PREX1: variants seen among roughly 807,000 people sequenced by gnomAD.
PREX1 encodes the protein phosphatidylinositol-3,4,5-trisphosphate dependent Rac exchange factor 1.
A neutral mutation model predicts 198.3 loss-of-function variants in PREX1; 41 were observed. The observed-to-expected ratio is 0.21, with a 90% confidence interval of 0.16 to 0.27. The LOEUF (loss-of-function observed/expected upper bound fraction) is 0.27. Among genes scored for constraint, PREX1 ranks in the 10% least tolerant of loss-of-function variants. The pLI is 1.00. For missense variants in PREX1, 1,620 were observed against 2,200.7 expected (o/e 0.74, Z 5.28); for synonymous variants, 843 against 887.2 (o/e 0.95, Z 0.89).
intron 33 of PREX1, among the ~76,000 whole-genome samples, chr20:48,633,661 C>T (rs1000805233): frequency 2.6e-5 from 4 of 152,252 alleles, no homozygotes; most frequent in Middle Eastern, 3.4e-3. Context: ...TGCTGCTGGT[C>T]CAGGGGCCAC....
rs935753835 is a variant in PREX1 at position 48,698,450 on chromosome 20, G to C, written c.917+2303C>G. On this transcript the variant is annotated intron_variant, in intron 7 of 39. Coordinates refer to ENST00000371941, the MANE Select transcript of PREX1 (RefSeq NM_020820.4). ...AGAGCGGCGGGGCAGGGCTCAGGGT[G>C]GACATTGGCAGCAGCCCTGAAACTA... is the stretch of plus-strand genomic sequence containing the variant. Among the ~76,000 whole-genome samples, 5 of 152,220 alleles carry C rather than the reference G, an allele frequency of 3.3e-5. No homozygotes were observed. The East Asian group carries it at 9.7e-4, about 29-fold the overall frequency.
chr20:48,698,018 C>G (rs1037342511), intron 7 of PREX1, among the ~76,000 whole-genome samples: 2 of 152,160 alleles, frequency 1.3e-5, no homozygotes, highest in African/African-American at 4.8e-5. Context: ...TGGGGAGATC[C>G]ACCCACCATT....
intron 1 of PREX1, among the ~76,000 whole-genome samples, chr20:48,763,629 C>A (rs746768137): frequency 1.3e-5 from 2 of 152,164 alleles, no homozygotes; most frequent in African/African-American, 4.8e-5. Flanking sequence ...AGCAGTCCCC[C>A]CTTAGCTGGT....
At position 48,761,525 on chromosome 20, in the gene PREX1, C is replaced by A. The variant is rs542198078; in HGVS notation, c.220-13645G>T. Among the ~76,000 whole-genome samples, 13 of 152,024 alleles carry A rather than the reference C, an allele frequency of 8.6e-5. 1 individual carries two copies. The South Asian group carries it at 1.2e-3, about 15-fold the overall frequency. On this transcript the variant is annotated intron_variant, in intron 1 of 39. Transcript: ENST00000371941. ...TAAAAGGTGCCCAGTTCTCACCCCA[C>A]CCCGCCCCGTTCCCCACCACATCGG...
In PREX1 at chr20:48,653,833, C is replaced by G. The variant is rs139786641; in HGVS notation, c.2210-336G>C. Among the ~76,000 whole-genome samples, 38 of 152,320 alleles carry G rather than the reference C, an allele frequency of 2.5e-4. 1 individual carries two copies. The East Asian group carries it at 6.4e-3, about 26-fold the overall frequency. On this transcript the variant is annotated intron_variant, in intron 19 of 39. Coordinates refer to ENST00000371941, the MANE Select transcript of PREX1 (RefSeq NM_020820.4). ...CTACTGGGCCGCATTTGGCAGAAAG[C>G]GTGATGGGCTCAGAGAGGCAAAGCC...
intron 1 of PREX1, among the ~76,000 whole-genome samples, chr20:48,755,963 C>T (rs939127726): frequency 2.6e-5 from 4 of 152,188 alleles, no homozygotes; most frequent in Non-Finnish European, 5.9e-5. Context: ...GGCTCTCTCT[C>T]GCCCACCCCA....
chr20:48,794,106 C>T (rs1472534382), intron 1 of PREX1, among the ~76,000 whole-genome samples: 2 of 152,160 alleles, frequency 1.3e-5, no homozygotes, highest in African/African-American at 4.8e-5. Context: ...CTTATGAACA[C>T]CCCCATAATT....
At chr20:48,703,902 G>A (rs911214819) in intron 6 of PREX1, among the ~76,000 whole-genome samples, 10 of 152,198 alleles carry the variant, frequency 6.6e-5, no homozygotes, top group African/African-American at 2.4e-4. Flanking sequence ...CAAGGGTGGT[G>A]CTAGGGGTTG....
At chr20:48,787,351 A>G (rs1190136888) in intron 1 of PREX1, among the ~76,000 whole-genome samples, 4 of 152,152 alleles carry the variant, frequency 2.6e-5, no homozygotes, top group African/African-American at 7.2e-5. Context: ...CAAAGACATC[A>G]TAAAGGTCCT....
chr20:48,630,239 G>A (rs1424955997), intron 36 of PREX1, among the ~76,000 whole-genome samples: 1 of 152,230 alleles, frequency 6.6e-6, no homozygotes, highest in Non-Finnish European at 1.5e-5. Context: ...AGCCCAAGGA[G>A]CCGAACTATC....
At chr20:48,715,680 C>T (rs575874255) in intron 5 of PREX1, among the ~76,000 whole-genome samples, 65 of 152,322 alleles carry the variant, frequency 4.3e-4, no homozygotes, top group African/African-American at 1.5e-3. Context: ...TATTTATCAT[C>T]ATCGTCATTA....
the PREX1 span, among the ~76,000 whole-genome samples, chr20:48,881,226 A>T: frequency 4.6e-5 from 7 of 152,094 alleles, no homozygotes; most frequent in African/African-American, 1.7e-4. Context: ...TGGGTGATGG[A>T]GACTGCTTTG....
At chr20:48,681,479 C>T (rs1568821371) in intron 10 of PREX1, 144 bp from the exon 11 acceptor site, 3 of 777,800 alleles carry the variant, frequency 3.9e-6, no homozygotes, top group East Asian at 5.1e-5. Context: ...TAGTCTATAG[C>T]CCTTGGGGTT....
intron 26 of PREX1, 32 bp downstream of exon 26, chr20:48,645,819 T>A (rs762087900): frequency 6.2e-7 from 1 of 1,609,398 alleles, no homozygotes; most frequent in Non-Finnish European, 8.5e-7. Context: ...GCCATCCTCA[T>A]CTAACCTCAG....
rs200774333 is a variant in PREX1, at chr20:48,639,854, G to C, written c.3816C>G (p.Ser1272Arg). 8.1e-6 allele frequency: 13 copies of C among 1,613,954 alleles called. No individual in the cohort carries two copies. The highest frequency in any genetic ancestry group is 1.1e-5 in the Non-Finnish European group (13 of 1,179,970). The change falls in exon 30 of 40, where the codon AGC becomes AGG. Residue 1272 changes from serine to arginine, a missense_variant. Ser to Arg is a moderately radical substitution (Grantham distance 110). Coordinates refer to ENST00000371941, the MANE Select transcript of PREX1 (RefSeq NM_020820.4). ...CCTCCTGGATGCTAATCTGGATCAG[G>C]CTCCGGCCACGGATTGTACACTCTT... ...QKEECTIRGRSLIQISIQEDP... is the reference protein window; with the variant it reads ...QKEECTIRGRRLIQISIQEDP...
intron 1 of PREX1, among the ~76,000 whole-genome samples, chr20:48,806,654 G>A (rs6012535): frequency 0.18 from 27,519 of 152,186 alleles, 2,667 homozygotes; most frequent in Middle Eastern, 0.3. Flanking sequence ...CACACTCCCA[G>A]TAAGAGGAGG....
At chr20:48,852,659 T>C in the PREX1 span, among the ~76,000 whole-genome samples, 1 of 152,206 alleles carries the variant, frequency 6.6e-6, no homozygotes, top group Non-Finnish European at 1.5e-5. Context: ...TGGAACATTC[T>C]GAGTAGCAAG....
At chr20:48,661,444 A>AAAAAATATATATATATAT (rs1555832820) in intron 15 of PREX1, among the ~76,000 whole-genome samples, 2 of 49,596 alleles carry the variant, frequency 4.0e-5, no homozygotes, top group Non-Finnish European at 6.2e-5. Context: ...AAAAAAAAAA[A>AAAAAATATATATATATAT]ATATATATAT....
intron 22 of PREX1, 43 bp from the exon 23 acceptor site, chr20:48,651,098 G>A (rs764163336): frequency 1.2e-5 from 19 of 1,605,160 alleles, no homozygotes; most frequent in Admixed American, 1.7e-5. Context: ...CTGTGTGCCG[G>A]GAAGATTTTA....
Sources: gnomAD v4.1 joint callset for allele counts (sites outside exome capture counted in the v4.1 genomes callset) on GRCh38, gnomAD v4.1.1 for gene constraint, MANE v1.5 for transcripts, NCBI Gene and HGNC (gene_info 2026-07-23, HGNC 2026-07-21) for gene names.